Variants in SH3PXD2B observed in about 807,000 individuals in gnomAD.
SH3PXD2B encodes SH3 and PX domains 2B, also known as SH3 and PX domain-containing protein 2B.
In SH3PXD2B, 37 loss-of-function variants were observed where a neutral mutation model predicts 73.1. The observed-to-expected ratio is 0.51, with a 90% confidence interval of 0.39 to 0.67. SH3PXD2B has a LOEUF of 0.67. Ranked by LOEUF, SH3PXD2B falls within the 30% of genes least tolerant of loss-of-function variation. SH3PXD2B has a pLI of 0.00. For missense variants in SH3PXD2B, 1,053 were observed against 1,197.8 expected (o/e 0.88, Z 1.78); for synonymous variants, 457 against 480.5 (o/e 0.95, Z 0.64).
chr5:172,388,121 C>T (rs573518307), intron 4 of SH3PXD2B, among the ~76,000 whole-genome samples: 1 of 152,304 alleles, frequency 6.6e-6, no homozygotes, highest in African/African-American at 2.4e-5. Flanking sequence ...TTTCAAGAGT[C>T]TGTCTATCCG....
intron 6 of SH3PXD2B, among the ~76,000 whole-genome samples, chr5:172,365,473 G>A (rs1463231302): frequency 6.6e-6 from 1 of 152,224 alleles, no homozygotes; most frequent in South Asian, 2.1e-4. Flanking sequence ...GAAGAAGGGT[G>A]GTCTGAGGCC....
At chr5:172,355,637 C>T (rs907905537) in intron 8 of SH3PXD2B, among the ~76,000 whole-genome samples, 6 of 152,014 alleles carry the variant, frequency 3.9e-5, no homozygotes, top group Admixed American at 6.5e-5. Context: ...CTCCGCCTCC[C>T]GGGTTCACGC....
At chr5:172,381,644 C>T (rs978278108) in intron 5 of SH3PXD2B, among the ~76,000 whole-genome samples, 2 of 152,128 alleles carry the variant, frequency 1.3e-5, no homozygotes, top group Non-Finnish European at 2.9e-5. Flanking sequence ...GTGGGGTCTT[C>T]GTTGGTTTGG....
intron 1 of SH3PXD2B, among the ~76,000 whole-genome samples, chr5:172,450,171 A>C (rs1369258216): frequency 6.6e-6 from 1 of 152,096 alleles, no homozygotes; most frequent in African/African-American, 2.4e-5. Flanking sequence ...AAATAAGTGA[A>C]TTGCACACTT....
At chr5:172,422,773 C>T (rs1337076971) in intron 1 of SH3PXD2B, among the ~76,000 whole-genome samples, 1 of 152,204 alleles carries the variant, frequency 6.6e-6, no homozygotes, top group African/African-American at 2.4e-5. Flanking sequence ...CTGTTTTCGG[C>T]ATTGCCAGGA....
chr5:172,392,917 G>A (rs781329993), intron 4 of SH3PXD2B, among the ~76,000 whole-genome samples: 10 of 152,186 alleles, frequency 6.6e-5, no homozygotes, highest in African/African-American at 9.7e-5. Context: ...ATGTTGTTCC[G>A]CTGATCTACA....
chr5:172,396,193 A>C (rs1349616665), intron 3 of SH3PXD2B, among the ~76,000 whole-genome samples: 2 of 127,514 alleles, frequency 1.6e-5, no homozygotes, highest in Non-Finnish European at 3.3e-5. Context: ...TCTCTACTAA[A>C]AATACAAAAA....
At chr5:172,440,745 C>G (rs754148617) in intron 1 of SH3PXD2B, among the ~76,000 whole-genome samples, 2 of 152,114 alleles carry the variant, frequency 1.3e-5, no homozygotes, top group Non-Finnish European at 2.9e-5. Context: ...CCATGCCACA[C>G]GCAAAAGGAA....
At chr5:172,438,050 A>T (rs188147650) in intron 1 of SH3PXD2B, among the ~76,000 whole-genome samples, 2 of 152,292 alleles carry the variant, frequency 1.3e-5, no homozygotes, top group East Asian at 3.9e-4. Context: ...CACACCACAC[A>T]GGCACAACGT....
In SH3PXD2B at chr5:172,364,200, G is replaced by A. The variant is rs542732221; in HGVS notation, c.428-1331C>T. ...GAGTTCAGAGACCCCAGAGAGAAGC[G>A]GGCAGCTGGGTGACTTTTAGAGCAG... On this transcript the variant is annotated intron_variant, in intron 6 of 12. Coordinates refer to ENST00000311601, the MANE Select transcript of SH3PXD2B (RefSeq NM_001017995.3). Among the ~76,000 whole-genome samples the A allele has an allele frequency of 7.9e-5, 12 of 152,246 alleles. No homozygotes were observed. The East Asian group carries it at 2.3e-3, about 29-fold the overall frequency.
At chr5:172,360,803 G>A (rs1757383883) in intron 7 of SH3PXD2B, among the ~76,000 whole-genome samples, 1 of 152,198 alleles carries the variant, frequency 6.6e-6, no homozygotes, top group Admixed American at 6.5e-5. Flanking sequence ...CTGCATGCCA[G>A]CCGGGGCAAC....
At chr5:172,423,620 A>G (rs1480955891) in intron 1 of SH3PXD2B, among the ~76,000 whole-genome samples, 1 of 151,422 alleles carries the variant, frequency 6.6e-6, no homozygotes, top group African/African-American at 2.4e-5. Flanking sequence ...TGGGCCAATC[A>G]CAGCCAGTAG....
chr5:172,338,790 G>A lies in SH3PXD2B; in HGVS notation c.2315C>T (p.Ser772Phe). Residue 772 changes from serine (S) to phenylalanine (F), a missense_variant, in exon 13 of 13, where the codon TCC becomes TTC. Around this residue, in one of 2 missense-constraint regions of SH3PXD2B, gnomAD observed 587 missense variants for 590.7 expected, o/e 0.99. Coordinates refer to ENST00000311601, the MANE Select transcript of SH3PXD2B (RefSeq NM_001017995.3). This position sits in a 1 kb window ranked among gnomAD's most constrained non-coding sequence, Gnocchi z 5.1. ...PPPPKKTSSS[S>F]RPLPEVRGPQ... The stretch of plus-strand genomic sequence containing the variant: ...ACCTCTGACCTCTGGGAGCGGCCTG[G>A]ATGACGAAGAGGTTTTCTTTGGGGG... 6.2e-7 allele frequency: 1 copy of A among 1,614,204 alleles called. No individual in the cohort carries two copies. The highest frequency in any genetic ancestry group is 8.5e-7 in the Non-Finnish European group (1 of 1,180,038).
At chr5:172,376,157 G>A (rs1364270655) in intron 5 of SH3PXD2B, among the ~76,000 whole-genome samples, 1 of 151,580 alleles carries the variant, frequency 6.6e-6, no homozygotes, top group African/African-American at 2.4e-5. Context: ...AGCCTCCCAT[G>A]TAGCTGGGAT....
Position 172,338,711 on chromosome 5 carries a change from G to C in SH3PXD2B, c.2394C>G (p.Leu798=). 1 of 1,613,994 alleles carries C rather than the reference G, an allele frequency of 6.2e-7. No homozygotes were observed. ...AAGGTTTGGCTTTTGGAGGGACGAG[G>C]AGAGCACGGCCTGGGGTGGGAGCTG... ...SRAAPTPGRA[L]LVPPKAKPFL... Residue 798 remains leucine (L), a synonymous_variant, in exon 13 of 13, where the codon CTC becomes CTG. Transcript: ENST00000311601. This position sits in a 1 kb window ranked among gnomAD's most constrained non-coding sequence, Gnocchi z 5.1.
chr5:172,454,167 G>C, intron 1 of SH3PXD2B, 111 bp downstream of exon 1: 2 of 780,766 alleles, frequency 2.6e-6, no homozygotes, highest in Non-Finnish European at 3.9e-6. Context: ...GGGAGAGCAG[G>C]GGAGGAGGGG....
intron 10 of SH3PXD2B, among the ~76,000 whole-genome samples, chr5:172,349,630 C>T (rs912912432): frequency 1.3e-5 from 2 of 152,190 alleles, no homozygotes; most frequent in Admixed American, 6.5e-5. Context: ...CCGCCCCTGC[C>T]GTCTACTAGC....
chr5:172,357,206 TTGAGG>T, intron 8 of SH3PXD2B, among the ~76,000 whole-genome samples: 1 of 151,074 alleles, frequency 6.6e-6, no homozygotes, highest in Admixed American at 6.6e-5. Flanking sequence ...GGCAGATCAC[TTGAGG>T]TCAGGAGTTC....
intron 7 of SH3PXD2B, among the ~76,000 whole-genome samples, chr5:172,360,805 C>T (rs569785127): frequency 1.5e-4 from 23 of 152,214 alleles, no homozygotes; most frequent in African/African-American, 4.6e-4. Flanking sequence ...GCATGCCAGC[C>T]GGGGCAACAG....
Sources: allele counts gnomAD v4.1 joint callset (sites outside exome capture counted in the v4.1 genomes callset), GRCh38; gene constraint gnomAD v4.1.1; regional missense constraint gnomAD v4.1.1; non-coding constraint Gnocchi (gnomAD v3.1); transcripts MANE v1.5; gene names NCBI Gene and HGNC (gene_info 2026-07-23, HGNC 2026-07-21).